ACER1: variants seen among roughly 807,000 people sequenced by gnomAD.
ACER1 encodes the protein alkaline ceramidase 1, also known as CTB-180A7.3.
Under a neutral mutation model 24.9 loss-of-function variants are expected in ACER1, and 28 were observed. The observed-to-expected ratio is 1.13, with a 90% confidence interval of 0.83 to 1.54. ACER1 has a LOEUF of 1.54. Among genes scored for constraint, ACER1 ranks in the 40% most tolerant of loss-of-function variants. The probability of loss-of-function intolerance (pLI) is 0.00; values close to 1 mark genes in which losing one functional copy is unlikely to be tolerated. For missense variants in ACER1, 352 were observed against 349.3 expected, an observed-to-expected ratio of 1.01 and a Z score of -0.06; for synonymous variants, 132 against 131.4, an observed-to-expected ratio of 1.00 and a Z score of -0.03.
chr19:6,309,132 A>G (rs1405145032), intron 4 of ACER1, among the ~76,000 whole-genome samples: 1 of 152,050 alleles, frequency 6.6e-6, no homozygotes, highest in Non-Finnish European at 1.5e-5. Flanking sequence ...CGGGAGGCAG[A>G]GTTTGCAGTG....
chr19:6,337,670 T>C (rs866962805), upstream of ACER1, among the ~76,000 whole-genome samples: 23 of 72,730 alleles, frequency 3.2e-4, no homozygotes, highest in African/African-American at 1.3e-3. Context: ...TCTTTTTTTT[T>C]TTTTTTTTTT....
chr19:6,333,667 C>G, upstream of ACER1: 1 of 866,056 alleles, frequency 1.2e-6, no homozygotes, highest in Non-Finnish European at 1.7e-6. Context: ...GGCAGGCAGA[C>G]TGGGAGGAAA....
chr19:6,322,854 T>A (rs2091637906), intron 1 of ACER1, among the ~76,000 whole-genome samples: 1 of 152,132 alleles, frequency 6.6e-6, no homozygotes. Flanking sequence ...CTAATGCCTG[T>A]AATCCCAGCA....
chr19:6,323,505 T>C (rs1184259263), intron 1 of ACER1, among the ~76,000 whole-genome samples: 1 of 152,112 alleles, frequency 6.6e-6, no homozygotes, highest in Non-Finnish European at 1.5e-5. Context: ...ACGTAAGATG[T>C]GACTTGCTCC....
intron 1 of ACER1, among the ~76,000 whole-genome samples, chr19:6,331,583 C>T (rs1300551633): frequency 1.3e-5 from 2 of 151,446 alleles, no homozygotes; most frequent in African/African-American, 2.4e-5. Flanking sequence ...CACCTGAGGT[C>T]GGGAGTTCAA....
chr19:6,333,629 G>T, upstream of ACER1: 1 of 1,301,422 alleles, frequency 7.7e-7, no homozygotes, highest in Non-Finnish European at 1.1e-6. Context: ...CCCTGATGAG[G>T]CGGGGAGAGG....
At chr19:6,333,426 T>A (rs2091698476) in intron 1 of ACER1, 33 bp downstream of exon 1, 5 of 1,518,704 alleles carry the variant, frequency 3.3e-6, no homozygotes, top group Non-Finnish European at 4.5e-6. Flanking sequence ...AACCGGCATC[T>A]GGCGAGACTC....
At chr19:6,316,850 C>A (rs1050044660) in intron 1 of ACER1, among the ~76,000 whole-genome samples, 2 of 151,194 alleles carry the variant, frequency 1.3e-5, no homozygotes, top group Admixed American at 6.6e-5. Context: ...TCAGACTTCA[C>A]CACCACACAA....
chr19:6,332,617 A>G (rs1422476712), intron 1 of ACER1, among the ~76,000 whole-genome samples: 2 of 152,020 alleles, frequency 1.3e-5, no homozygotes, highest in Non-Finnish European at 2.9e-5. Flanking sequence ...TTTAACAGGG[A>G]AAGAGAAGAC....
the ACER1 span, among the ~76,000 whole-genome samples, chr19:6,356,619 A>T: frequency 1.3e-5 from 2 of 151,858 alleles, no homozygotes; most frequent in Non-Finnish European, 2.9e-5. Context: ...GTTTATAATG[A>T]TCTCGCTTTT....
chr19:6,342,554 C>A, the ACER1 span, among the ~76,000 whole-genome samples: 1 of 151,490 alleles, frequency 6.6e-6, no homozygotes, highest in African/African-American at 2.4e-5. Context: ...CCCGTCTCTA[C>A]TAAAAATACA....
chr19:6,309,868 G>A, intron 3 of ACER1, 34 bp from the exon 4 acceptor site: 2 of 1,612,274 alleles, frequency 1.2e-6, no homozygotes, highest in Non-Finnish European at 1.7e-6. Context: ...TAGGCGGGAA[G>A]GGAGGTCCTG....
chr19:6,357,252 G>A, the ACER1 span, among the ~76,000 whole-genome samples: 1 of 151,734 alleles, frequency 6.6e-6, no homozygotes, highest in Admixed American at 6.6e-5. Flanking sequence ...TCACCACGTT[G>A]GTCAGGCTGG....
chr19:6,326,637 T>C (rs28534031), intron 1 of ACER1, among the ~76,000 whole-genome samples: 21,768 of 151,776 alleles, frequency 0.14, 2,990 homozygotes, highest in African/African-American at 0.37. Context: ...TGACACCCCG[T>C]TTCTGGCACC....
At chr19:6,351,362 G>A in the ACER1 span, among the ~76,000 whole-genome samples, 30,948 of 150,840 alleles carry the variant, frequency 0.21, 4,487 homozygotes, top group East Asian at 0.39. Context: ...GTGAAACTCC[G>A]TCTCAAAAAA....
chr19:6,347,161 C>T, the ACER1 span, among the ~76,000 whole-genome samples: 3 of 142,796 alleles, frequency 2.1e-5, no homozygotes, highest in South Asian at 6.5e-4. Context: ...AGTTACAGAC[C>T]CCCTCGTCCC....
At chr19:6,348,336 G>A in the ACER1 span, among the ~76,000 whole-genome samples, 9 of 151,390 alleles carry the variant, frequency 5.9e-5, no homozygotes, top group East Asian at 2.0e-4. Context: ...GTGGTGGCAC[G>A]CGCCTGTAAT....
intron 1 of ACER1, among the ~76,000 whole-genome samples, chr19:6,323,536 T>C (rs2091643773): frequency 6.6e-6 from 1 of 152,210 alleles, no homozygotes; most frequent in Non-Finnish European, 1.5e-5. Flanking sequence ...CCACCATGAT[T>C]GTGAGGCCTC....
At chr19:6,358,476 G>A in the ACER1 span, among the ~76,000 whole-genome samples, 2 of 152,066 alleles carry the variant, frequency 1.3e-5, no homozygotes, top group African/African-American at 4.8e-5. Flanking sequence ...TTCTTATCTA[G>A]GGTACCCAGC....
Sources: gnomAD v4.1 joint callset for allele counts (sites outside exome capture counted in the v4.1 genomes callset) on GRCh38, gnomAD v4.1.1 for gene constraint, MANE v1.5 for transcripts, NCBI Gene and HGNC (gene_info 2026-07-23, HGNC 2026-07-21) for gene names.